The following HAUS6 variants were observed in gnomAD, a reference collection of about 807,000 sequenced individuals.
HAUS6 encodes the protein HAUS augmin like complex subunit 6.
HAUS6 carries 80 observed loss-of-function variants against 106.8 expected under a neutral mutation model. That is an observed-to-expected ratio of 0.75 (90% CI 0.63 to 0.90). The LOEUF (loss-of-function observed/expected upper bound fraction) is 0.90. Ranked by LOEUF, HAUS6 falls within the 40% of genes least tolerant of loss-of-function variation. The pLI, the probability that HAUS6 is intolerant of heterozygous loss-of-function variation, is 0.00. For missense variants in HAUS6, 1,155 were observed against 1,118.1 expected (o/e 1.03, Z -0.47); for synonymous variants, 356 against 379.1 (o/e 0.94, Z 0.71).
At chr9:19,094,999 C>T (rs1817830845) in intron 2 of HAUS6, among the ~76,000 whole-genome samples, 2 of 151,738 alleles carry the variant, frequency 1.3e-5, no homozygotes, top group Admixed American at 1.3e-4. Flanking sequence ...TCAATGGATC[C>T]ACTGGACTAG....
chr9:19,093,841 C>A (rs1817806190), intron 3 of HAUS6, among the ~76,000 whole-genome samples: 1 of 152,036 alleles, frequency 6.6e-6, no homozygotes, highest in African/African-American at 2.4e-5. Flanking sequence ...TGCACTCCAG[C>A]CTGGGTGACA....
rs2131106488 is a variant in HAUS6, at chr9:19,065,010, T to C, written c.1377-1430A>G. ...AGGCTATTCCCAGAGGCTAACACAG[T>C]GGTTGGTAGTGCAATACATACATGT... On this transcript the variant is annotated intron_variant, in intron 12 of 16. Transcript: ENST00000380502. 4 of 152,296 alleles carry C rather than the reference T, an allele frequency of 2.6e-5. No individual in the cohort carries two copies. The South Asian group carries it at 8.3e-4, about 32-fold the overall frequency. 9.4% of individuals were successfully genotyped at this position (152,296 alleles called of 1,614,324 possible). A position where few individuals can be genotyped will look rare whatever the true frequency, so the allele number is the denominator to read the frequency against.
chr9:19,063,831 G>T (rs544299666), intron 12 of HAUS6: 11 of 661,802 alleles, frequency 1.7e-5, no homozygotes, highest in Middle Eastern at 2.5e-4. Flanking sequence ...ACAATATTTT[G>T]ATTTGAAAGA....
rs762664451 is a variant in HAUS6, at chr9:19,102,630, C to T, written c.22G>A (p.Ala8Thr). The change falls in exon 1 of 17, where the codon GCT (alanine) becomes ACT (threonine). Residue 8 changes from alanine to threonine, a missense_variant. Ala to Thr is a moderately conservative substitution (Grantham distance 58). This residue lies in a region of HAUS6 where 761 missense variants were observed against 690.0 expected (regional missense o/e 1.10). Transcript: ENST00000380502. The part of the protein sequence containing the change: MSSASVT[A>T]FEKEHLWMYL... ...ATCCAGAGATGCTCCTTCTCGAAAGCGGTGACCGAGGCCGAGCTCATCCTC... is the reference window on the plus strand; with the variant it reads ...ATCCAGAGATGCTCCTTCTCGAAAGTGGTGACCGAGGCCGAGCTCATCCTC... 6.2e-7 allele frequency: 1 copy of T among 1,612,794 alleles called. No homozygotes were observed. Among genetic ancestry groups the T allele is most frequent in the South Asian group, 1.1e-5 (1 of 90,930 alleles).
At chr9:19,100,476 T>C (rs1817964848) in intron 1 of HAUS6, among the ~76,000 whole-genome samples, 1 of 152,192 alleles carries the variant, frequency 6.6e-6, no homozygotes, top group Non-Finnish European at 1.5e-5. Flanking sequence ...TGCTTGTACT[T>C]TGTTGGTGGA....
Position 19,089,864 on chromosome 9 carries a change from ACTCTATTGCCC to A in HAUS6, c.437-316_437-306del, listed in dbSNP as rs1817707589. 3.3e-5 allele frequency among the ~76,000 whole-genome samples: 5 copies of A among 152,130 alleles called. 1 individual carries two copies. The highest frequency in any genetic ancestry group is 1.3e-4 in the Admixed American group (2 of 15,244). On this transcript the variant is annotated intron_variant, in intron 4 of 16. Transcript: ENST00000380502. ...GGTTGTTTTTTTGAGACAGGGTCTC[ACTCTATTGCCC>A]AGGCTGGAGTGCAGTGGCACAAGCA...
chr9:19,086,345 G>A (rs983607706), intron 7 of HAUS6, among the ~76,000 whole-genome samples: 2 of 151,290 alleles, frequency 1.3e-5, no homozygotes, highest in Admixed American at 1.3e-4. Context: ...GGGAGGCTGG[G>A]CGCGGTGGCT....
chr9:19,064,464 C>T (rs1450340030), intron 12 of HAUS6, among the ~76,000 whole-genome samples: 1 of 152,104 alleles, frequency 6.6e-6, no homozygotes, highest in African/African-American at 2.4e-5. Flanking sequence ...AAAATTTATG[C>T]AGCTTTTCAT....
rs1836466651 is a variant in HAUS6, at chr9:19,056,272, G to A, written c.*71C>T. The A allele has an allele frequency of 3.8e-6, 3 of 799,392 alleles. No individual in the cohort carries two copies. Among genetic ancestry groups the A allele is most frequent in the Middle Eastern group, 3.3e-4 (1 of 3,020 alleles). 49.5% of individuals were successfully genotyped at this position (799,392 alleles called of 1,614,324 possible). Reference sequence around the variant, plus strand: ...TACACTTCCAACATGTATTTAAGTTGTAATTCATTTTCTATCCTGTGGCAT... The same window carrying A: ...TACACTTCCAACATGTATTTAAGTTATAATTCATTTTCTATCCTGTGGCAT... On this transcript the variant is annotated 3_prime_UTR_variant, in exon 17 of 17. Transcript: ENST00000380502.
At chr9:19,075,525 C>G (rs537296240) in intron 11 of HAUS6, among the ~76,000 whole-genome samples, 2 of 151,420 alleles carry the variant, frequency 1.3e-5, no homozygotes, top group African/African-American at 4.9e-5. Context: ...AGGAGAATTG[C>G]TTGGAATCAG....
rs1243570843 is a variant in HAUS6 at position 19,063,199 on chromosome 9, G to A, written c.1444-6C>T. On this transcript the variant is annotated splice_region_variant and splice_polypyrimidine_tract_variant and intron_variant, in intron 13 of 16. Transcript: ENST00000380502. ...GGAGTTCCCATCTTTGTGTCCTGAA[G>A]AAGACAGATATGTAATGTTAAACCC... 1 of 1,576,942 alleles carries A rather than the reference G, an allele frequency of 6.3e-7. No individual in the cohort carries two copies. Among genetic ancestry groups the A allele is most frequent in the Non-Finnish European group, 8.7e-7 (1 of 1,151,442 alleles).
At chr9:19,070,160 AT>A in intron 12 of HAUS6, 58 bp downstream of exon 12, 1 of 990,024 alleles carries the variant, frequency 1.0e-6, no homozygotes, top group Admixed American at 2.1e-5. Flanking sequence ...TTCCATCTCT[AT>A]TTTTTATAAA....
At chr9:19,092,769 CA>C (rs1250495222) in intron 4 of HAUS6, among the ~76,000 whole-genome samples, 2 of 150,304 alleles carry the variant, frequency 1.3e-5, no homozygotes, top group Non-Finnish European at 3.0e-5. Context: ...AATAAAAATA[CA>C]AAAAATTAGC....
chr9:19,066,564 T>C (rs1030456559), intron 12 of HAUS6, among the ~76,000 whole-genome samples: 3 of 151,714 alleles, frequency 2.0e-5, no homozygotes, highest in African/African-American at 7.3e-5. Flanking sequence ...GTTAGAAATA[T>C]CATGGAACTC....
At chr9:19,092,355 G>A (rs1817770248) in intron 4 of HAUS6, among the ~76,000 whole-genome samples, 1 of 151,392 alleles carries the variant, frequency 6.6e-6, no homozygotes, top group Non-Finnish European at 1.5e-5. Flanking sequence ...CTAACACTTT[G>A]GTGTAATCCT....
intron 12 of HAUS6, among the ~76,000 whole-genome samples, chr9:19,066,830 CAAAAAAA>C (rs71333078): frequency 3.7e-4 from 30 of 82,098 alleles, no homozygotes; most frequent in East Asian, 8.5e-4. Flanking sequence ...CTCATCTCTA[CAAAAAAA>C]AAAAAAAAAA....
rs149225233 is a variant in HAUS6, at chr9:19,057,779, T to C, written c.2806+182A>G. 1.8e-3 allele frequency: 882 copies of C among 501,034 alleles called. 4 individuals are homozygous for C. The highest frequency in any genetic ancestry group is 0.015 in the African/African-American group (785 of 52,362). 31.0% of individuals were successfully genotyped at this position (501,034 alleles called of 1,614,324 possible). The stretch of plus-strand genomic sequence containing the variant: ...CTGTCTCAAATCAATTGTAACTATA[T>C]ATACATAAACAGAGATTCTGAAAGG... On this transcript the variant is annotated intron_variant, in intron 16 of 16. Transcript: ENST00000380502.
Position 19,094,752 on chromosome 9 carries a change from C to G in HAUS6, c.225-357G>C, listed in dbSNP as rs192120661. Among the ~76,000 whole-genome samples the G allele has an allele frequency of 1.8e-3, 278 of 152,216 alleles. 1 individual carries two copies. Among genetic ancestry groups the G allele is most frequent in the African/African-American group, 6.3e-3 (263 of 41,542 alleles). The stretch of plus-strand genomic sequence containing the variant: ...TCTGCAGTGAGCCAAGATGGCACCA[C>G]TGCACTGCAGCCTGGGTGACCCTGT... On this transcript the variant is annotated intron_variant, in intron 2 of 16. Coordinates refer to ENST00000380502, the MANE Select transcript of HAUS6 (RefSeq NM_017645.5).
At position 19,089,383 on chromosome 9, in the gene HAUS6, T is replaced by C. The variant is rs1817697242; in HGVS notation, c.584+29A>G. On this transcript the variant is annotated intron_variant, in intron 5 of 16. Coordinates refer to ENST00000380502, the MANE Select transcript of HAUS6 (RefSeq NM_017645.5). ...TGACATCTGTTCAAAAGAAAGAAAT[T>C]ATTTTCTAACTATCAAGGTACTACT... 4 of 1,467,270 alleles carry C rather than the reference T, an allele frequency of 2.7e-6. No individual in the cohort carries two copies. In the African/African-American group the frequency reaches 4.2e-5, roughly 15 times the overall value. 90.9% of individuals were successfully genotyped at this position (1,467,270 alleles called of 1,614,324 possible).
Sources: gnomAD v4.1 joint callset for allele counts (sites outside exome capture counted in the v4.1 genomes callset) on GRCh38, gnomAD v4.1.1 for gene constraint, gnomAD v4.1.1 regional missense constraint, MANE v1.5 for transcripts, NCBI Gene and HGNC (gene_info 2026-07-23, HGNC 2026-07-21) for gene names.